ESRRG: variants seen among roughly 807,000 people sequenced by gnomAD.
ESRRG encodes estrogen-related receptor gamma.
A neutral mutation model predicts 44.0 loss-of-function variants in ESRRG; 13 were observed. The ratio of observed to expected loss-of-function variants is 0.30; its 90% CI spans 0.19 to 0.47. The LOEUF (loss-of-function observed/expected upper bound fraction) is 0.47, where lower values mean the gene tolerates loss of function less well. Ranked by LOEUF, ESRRG falls within the 20% of genes least tolerant of loss-of-function variation. The pLI, the probability that ESRRG is intolerant of heterozygous loss-of-function variation, is 1.00. For synonymous variants in ESRRG, 215 were observed against 214.6 expected, an observed-to-expected ratio of 1.00 and a Z score of -0.02; for missense variants, 395 against 580.6, an observed-to-expected ratio of 0.68 and a Z score of 3.29.
chr1:217,123,102 G>C (rs1214878299), intron 1 of ESRRG, among the ~76,000 whole-genome samples: 1 of 152,054 alleles, frequency 6.6e-6, no homozygotes, highest in Non-Finnish European at 1.5e-5. Flanking sequence ...AATGTTATCC[G>C]CCTAGCAGTC....
At chr1:217,099,387 A>G (rs1002417145) in intron 1 of ESRRG, among the ~76,000 whole-genome samples, 1 of 152,230 alleles carries the variant, frequency 6.6e-6, no homozygotes, top group African/African-American at 2.4e-5. Context: ...AAAAAAAAAA[A>G]AAAAGTCAAG....
At chr1:216,516,723 T>C (rs996136435) in intron 6 of ESRRG, among the ~76,000 whole-genome samples, 3 of 150,466 alleles carry the variant, frequency 2.0e-5, no homozygotes, top group African/African-American at 7.4e-5. Flanking sequence ...GTGTCTAAAG[T>C]ATTAAAATAT....
intron 2 of ESRRG, among the ~76,000 whole-genome samples, chr1:216,671,559 A>G (rs1021532753): frequency 2.0e-5 from 3 of 152,224 alleles, no homozygotes; most frequent in Admixed American, 2.0e-4. Flanking sequence ...CTATGGGTCA[A>G]GTACTTCGAT....
At chr1:217,098,271 C>A (rs35573474) in intron 1 of ESRRG, among the ~76,000 whole-genome samples, 1 of 152,164 alleles carries the variant, frequency 6.6e-6, no homozygotes, top group African/African-American at 2.4e-5. Flanking sequence ...AATTGACTCT[C>A]TGAGTACCAA....
At chr1:216,824,890 C>T (rs1383603683) in intron 2 of ESRRG, among the ~76,000 whole-genome samples, 1 of 152,178 alleles carries the variant, frequency 6.6e-6, no homozygotes, top group African/African-American at 2.4e-5. Flanking sequence ...ACCTGCCTTG[C>T]CTTACTAGGT....
At chr1:216,776,841 A>C (rs1315758115) in intron 2 of ESRRG, among the ~76,000 whole-genome samples, 2 of 152,142 alleles carry the variant, frequency 1.3e-5, no homozygotes, top group African/African-American at 4.8e-5. Flanking sequence ...GCACTGAGGC[A>C]ACACTAGAAG....
intron 5 of ESRRG, among the ~76,000 whole-genome samples, chr1:216,553,017 C>T (rs2149405454): frequency 6.6e-6 from 1 of 152,192 alleles, no homozygotes; most frequent in South Asian, 2.1e-4. Context: ...GTGCATTCCT[C>T]TTTTAGGTAT....
intron 3 of ESRRG, among the ~76,000 whole-genome samples, chr1:216,585,208 AAGGAT>A (rs2063539532): frequency 6.6e-6 from 1 of 152,184 alleles, no homozygotes; most frequent in Non-Finnish European, 1.5e-5. Context: ...TTTGTTTTTC[AAGGAT>A]AGGATACATT....
At chr1:216,629,905 C>T in intron 3 of ESRRG, among the ~76,000 whole-genome samples, 1 of 152,154 alleles carries the variant, frequency 6.6e-6, no homozygotes, top group Admixed American at 6.6e-5. Context: ...GCTTCAAACA[C>T]TGTTAGAATA....
chr1:216,981,112 C>G (rs775188536), intron 1 of ESRRG, among the ~76,000 whole-genome samples: 1 of 152,174 alleles, frequency 6.6e-6, no homozygotes, highest in Non-Finnish European at 1.5e-5. Flanking sequence ...ACAATTACCC[C>G]TTCATCCATG....
intron 1 of ESRRG, among the ~76,000 whole-genome samples, chr1:216,703,133 A>T (rs2820882): frequency 0.84 from 128,450 of 152,128 alleles, 54,267 homozygotes; most frequent in South Asian, 0.91. Context: ...TATCTATAGA[A>T]GTTCCCTGAA....
intron 2 of ESRRG, among the ~76,000 whole-genome samples, chr1:216,935,558 T>C (rs1266658692): frequency 2.0e-5 from 3 of 151,744 alleles, no homozygotes; most frequent in Non-Finnish European, 4.4e-5. Context: ...TCCCAGAAGC[T>C]CCCCATGTTC....
rs71161435 is a variant in ESRRG at position 216,516,664 on chromosome 1, C to CAGAG, written c.1132+2487_1132+2488insCTCT. On this transcript the variant is annotated intron_variant, in intron 6 of 6. Coordinates refer to ENST00000408911, the MANE Select transcript of ESRRG (RefSeq NM_001438.4). ...ACACACACACACACACACACACACA[C>CAGAG]ACACAGAGAGAGAGAGAGAAACGAC... is the stretch of plus-strand genomic sequence containing the variant. Among the ~76,000 whole-genome samples the CAGAG allele has an allele frequency of 9.1e-3, 974 of 106,966 alleles. 8 individuals are homozygous for CAGAG. Among genetic ancestry groups the CAGAG allele is most frequent in the Admixed American group, 0.011 (131 of 11,718 alleles). The allele number at this position is 106,966 out of a possible 152,430, so 70.2% of individuals were successfully genotyped here. A position where few individuals can be genotyped will look rare whatever the true frequency, so the allele number is the denominator to read the frequency against.
chr1:216,692,249 C>A (rs543449047), intron 1 of ESRRG, among the ~76,000 whole-genome samples: 1 of 151,034 alleles, frequency 6.6e-6, no homozygotes, highest in Non-Finnish European at 1.5e-5. Flanking sequence ...CAGTAGGACT[C>A]GATGTGGAGG....
intron 1 of ESRRG, among the ~76,000 whole-genome samples, chr1:217,060,346 T>C (rs1580240828): frequency 6.6e-6 from 1 of 152,242 alleles, no homozygotes; most frequent in East Asian, 1.9e-4. Flanking sequence ...TGAAGTCATA[T>C]TGTGAAGGTT....
At chr1:216,966,676 C>T (rs573005815) in intron 1 of ESRRG, among the ~76,000 whole-genome samples, 3 of 152,228 alleles carry the variant, frequency 2.0e-5, no homozygotes, top group South Asian at 2.1e-4. Flanking sequence ...ATCCTAGCAT[C>T]GTTCTGAGGT....
chr1:216,602,963 T>C lies in ESRRG; in HGVS notation c.590-34865A>G, dbSNP rs2150174444. On this transcript the variant is annotated intron_variant, in intron 3 of 6. Transcript: ENST00000408911. ...GTTAAACTACATCTATATAGCCCCATCTATATAGATGGAGAGACTCTTTTA... is the reference window on the plus strand; with the variant it reads ...GTTAAACTACATCTATATAGCCCCACCTATATAGATGGAGAGACTCTTTTA... Among the ~76,000 whole-genome samples the C allele has an allele frequency of 1.3e-5, 2 of 152,276 alleles. 1 individual carries two copies. The highest frequency in any genetic ancestry group is 4.1e-4 in the South Asian group (2 of 4,820).
chr1:216,521,869 C>T (rs1267971033), intron 5 of ESRRG, among the ~76,000 whole-genome samples: 1 of 152,074 alleles, frequency 6.6e-6, no homozygotes, highest in Non-Finnish European at 1.5e-5. Flanking sequence ...AGATACAAAT[C>T]TACGTTCTCA....
intron 2 of ESRRG, among the ~76,000 whole-genome samples, chr1:216,735,340 C>T (rs2089675966): frequency 6.6e-6 from 1 of 150,796 alleles, no homozygotes; most frequent in African/African-American, 2.5e-5. Context: ...TCCTGAGTAA[C>T]TGGGTGTGTG....
Sources: gnomAD v4.1 joint callset for allele counts (sites outside exome capture counted in the v4.1 genomes callset) on GRCh38, gnomAD v4.1.1 for gene constraint, MANE v1.5 for transcripts, NCBI Gene and HGNC (gene_info 2026-07-23, HGNC 2026-07-21) for gene names.